LINGO2: variants seen among roughly 807,000 people sequenced by gnomAD.
LINGO2 encodes the protein leucine rich repeat and Ig domain containing 2.
Under a neutral mutation model 30.6 loss-of-function variants are expected in LINGO2, and 14 were observed. The ratio of observed to expected loss-of-function variants is 0.46; its 90% CI spans 0.30 to 0.72. The LOEUF is 0.72. LINGO2 is among the 30% of genes least tolerant of loss of function. LINGO2 has a pLI of 0.07. For missense variants in LINGO2, 729 were observed against 751.7 expected, an observed-to-expected ratio of 0.97 and a Z score of 0.35; for synonymous variants, 317 against 288.5, an observed-to-expected ratio of 1.10 and a Z score of -1.00.
chr9:28,933,152 C>A, the LINGO2 span, among the ~76,000 whole-genome samples: 1 of 152,058 alleles, frequency 6.6e-6, no homozygotes, highest in South Asian at 2.1e-4. Flanking sequence ...TGTGATCTGC[C>A]CACCTCAGCC....
the LINGO2 span, among the ~76,000 whole-genome samples, chr9:28,716,929 G>T: frequency 6.6e-6 from 1 of 151,930 alleles, no homozygotes; most frequent in South Asian, 2.1e-4. Context: ...AAAATATACG[G>T]TTTCTATCAA....
At chr9:29,046,573 C>G in the LINGO2 span, among the ~76,000 whole-genome samples, 3 of 152,080 alleles carry the variant, frequency 2.0e-5, no homozygotes, top group African/African-American at 7.2e-5. Context: ...CCCTTTCTTA[C>G]ACCAAACACA....
chr9:28,001,786 G>A (rs933796292), intron 5 of LINGO2, among the ~76,000 whole-genome samples: 1 of 152,114 alleles, frequency 6.6e-6, no homozygotes. Context: ...GTTTACAAGA[G>A]GCTTACAATC....
chr9:28,817,194 G>A, the LINGO2 span, among the ~76,000 whole-genome samples: 3 of 151,848 alleles, frequency 2.0e-5, no homozygotes, highest in South Asian at 2.1e-4. Flanking sequence ...ACTTTAATAC[G>A]TAGTTCAGTC....
chr9:29,190,245 G>C, the LINGO2 span, among the ~76,000 whole-genome samples: 2 of 152,076 alleles, frequency 1.3e-5, no homozygotes, highest in African/African-American at 2.4e-5. Context: ...AAAGTCATCA[G>C]ACAGATGGCC....
the LINGO2 span, among the ~76,000 whole-genome samples, chr9:28,913,980 A>G: frequency 6.6e-6 from 1 of 152,178 alleles, no homozygotes; most frequent in Non-Finnish European, 1.5e-5. Context: ...ATACTGACAT[A>G]TCGGCTTCAT....
intron 4 of LINGO2, among the ~76,000 whole-genome samples, chr9:28,119,132 A>C (rs1328723466): frequency 6.6e-6 from 1 of 152,222 alleles, no homozygotes; most frequent in African/African-American, 2.4e-5. Flanking sequence ...CAGTGTGAAT[A>C]AATTCTAGCA....
At chr9:28,230,780 G>T (rs1821328280) in intron 4 of LINGO2, among the ~76,000 whole-genome samples, 2 of 151,718 alleles carry the variant, frequency 1.3e-5, no homozygotes, top group Admixed American at 1.3e-4. Flanking sequence ...CTGTCTTCTT[G>T]CATGTTTATC....
At chr9:28,741,619 T>A in the LINGO2 span, among the ~76,000 whole-genome samples, 1 of 151,708 alleles carries the variant, frequency 6.6e-6, no homozygotes, top group Non-Finnish European at 1.5e-5. Context: ...TGGTATAGGG[T>A]GACCTGGAAA....
At chr9:28,121,853 C>T (rs920249848) in intron 4 of LINGO2, among the ~76,000 whole-genome samples, 3 of 151,998 alleles carry the variant, frequency 2.0e-5, no homozygotes, top group Middle Eastern at 3.2e-3. Context: ...ACTTCAGAAC[C>T]GATGAATTAT....
At chr9:28,136,821 G>A (rs1283376300) in intron 4 of LINGO2, among the ~76,000 whole-genome samples, 1 of 152,118 alleles carries the variant, frequency 6.6e-6, no homozygotes, top group Non-Finnish European at 1.5e-5. Context: ...GTTTCTGGAT[G>A]AGATTAACAT....
At chr9:28,480,938 G>C (rs1036449242) in intron 1 of LINGO2, among the ~76,000 whole-genome samples, 2 of 152,064 alleles carry the variant, frequency 1.3e-5, no homozygotes, top group Non-Finnish European at 2.9e-5. Context: ...TAAGTCATCT[G>C]CCTCAACAAC....
At chr9:28,103,392 T>C (rs570708647) in intron 4 of LINGO2, among the ~76,000 whole-genome samples, 1 of 152,258 alleles carries the variant, frequency 6.6e-6, no homozygotes, top group East Asian at 1.9e-4. Flanking sequence ...ACCAACAGTT[T>C]TGGAAGTGAG....
chr9:28,313,732 C>T (rs372223569), intron 3 of LINGO2, among the ~76,000 whole-genome samples: 1 of 152,140 alleles, frequency 6.6e-6, no homozygotes, highest in African/African-American at 2.4e-5. Context: ...GTAATAAATT[C>T]TTTCCCTAAT....
chr9:28,836,057 AAAG>A, the LINGO2 span, among the ~76,000 whole-genome samples: 171 of 152,362 alleles, frequency 1.1e-3, no homozygotes, highest in Non-Finnish European at 2.1e-3. Flanking sequence ...TATGCTGGAT[AAAG>A]AAGATGTCTT....
chr9:28,275,214 A>G (rs925943821), intron 4 of LINGO2, among the ~76,000 whole-genome samples: 4 of 149,732 alleles, frequency 2.7e-5, no homozygotes, highest in Non-Finnish European at 5.9e-5. Context: ...GACTACAGGC[A>G]CCCGCCACCA....
intron 5 of LINGO2, chr9:28,012,220 G>A (rs565053678): frequency 1.3e-5 from 2 of 152,108 alleles, no homozygotes; most frequent in East Asian, 3.9e-4. Context: ...GGGAAACTGA[G>A]AAGCATGTAT....
At chr9:29,002,630 A>G in the LINGO2 span, among the ~76,000 whole-genome samples, 1 of 152,034 alleles carries the variant, frequency 6.6e-6, no homozygotes, top group Non-Finnish European at 1.5e-5. Flanking sequence ...CAATTTTATA[A>G]CCAGAGTGGG....
chr9:28,429,671 T>G (rs1823566295), intron 2 of LINGO2, among the ~76,000 whole-genome samples: 1 of 152,282 alleles, frequency 6.6e-6, no homozygotes, highest in Non-Finnish European at 1.5e-5. Flanking sequence ...AAAAATAGTC[T>G]TCAAGCTCTC....
Sources: allele counts gnomAD v4.1 joint callset (sites outside exome capture counted in the v4.1 genomes callset), GRCh38; gene constraint gnomAD v4.1.1; transcripts MANE v1.5; gene names NCBI Gene and HGNC (gene_info 2026-07-23, HGNC 2026-07-21).